The following SLC45A2 variants were observed in gnomAD, a reference collection of about 807,000 sequenced individuals.
The protein encoded by SLC45A2 is membrane-associated transporter protein.
A neutral mutation model predicts 45.5 loss-of-function variants in SLC45A2; 36 were observed. The ratio of observed to expected loss-of-function variants is 0.79; its 90% CI spans 0.61 to 1.04. SLC45A2 has a LOEUF of 1.04. Among genes scored for constraint, SLC45A2 ranks in the 50% least tolerant of loss-of-function variants. The pLI, the probability that SLC45A2 is intolerant of heterozygous loss-of-function variation, is 0.00. For synonymous variants in SLC45A2, 306 were observed against 269.3 expected, an observed-to-expected ratio of 1.14 and a Z score of -1.33; for missense variants, 719 against 671.0, an observed-to-expected ratio of 1.07 and a Z score of -0.79.
intron 2 of SLC45A2, among the ~76,000 whole-genome samples, chr5:33,965,828 T>C (rs772284100): frequency 2.6e-5 from 4 of 152,196 alleles, no homozygotes; most frequent in East Asian, 1.9e-4. Flanking sequence ...CCCCAACCCA[T>C]TACGACAACC....
chr5:33,979,651 T>C (rs1432371134), intron 2 of SLC45A2, among the ~76,000 whole-genome samples: 1 of 151,994 alleles, frequency 6.6e-6, no homozygotes, highest in Non-Finnish European at 1.5e-5. Flanking sequence ...ATCATGTTAA[T>C]ACCTAATTGC....
Position 33,984,282 on chromosome 5 carries a change from C to T in SLC45A2, c.302G>A (p.Arg101His), listed in dbSNP as rs763531791. 6.8e-6 allele frequency: 11 copies of T among 1,614,176 alleles called. No individual in the cohort carries two copies. Among genetic ancestry groups the T allele is most frequent in the Non-Finnish European group, 9.3e-6 (11 of 1,180,028 alleles). The change falls in exon 1 of 7, where the codon CGC (arginine) becomes CAC (histidine). Residue 101 changes from arginine to histidine, a missense_variant. By Grantham distance (29) the Arg-to-His change is conservative. Coordinates refer to ENST00000296589, the MANE Select transcript of SLC45A2 (RefSeq NM_016180.5). ...ASDHCRSRWG[R>H]RRPYILTLGV... is the part of the protein sequence containing the mutation. ...CAGGGTGAGGATGTAGGGTCTCCGG[C>T]GGCCCCACCTGGACCGGCAGTGGTC... is the stretch of plus-strand genomic sequence containing the variant.
At chr5:33,984,126 G>T (rs2112019728) in intron 1 of SLC45A2, 73 bp downstream of exon 1, 1 of 1,595,372 alleles carries the variant, frequency 6.3e-7, no homozygotes, top group Non-Finnish European at 8.6e-7. Context: ...TCAAACACAT[G>T]AACATCCTCC....
intron 2 of SLC45A2, 26 bp from the exon 3 acceptor site, chr5:33,964,042 G>T (rs779798492): frequency 1.8e-4 from 292 of 1,608,730 alleles, no homozygotes; most frequent in Non-Finnish European, 2.4e-4. Flanking sequence ...AGCTATGTTA[G>T]CATATTTAGC....
intron 6 of SLC45A2, chr5:33,946,158 C>A (rs1751920333): frequency 1.0e-6 from 1 of 985,342 alleles, no homozygotes; most frequent in South Asian, 4.7e-5. Context: ...TCCCCCAACA[C>A]CATGTAACAC....
At chr5:33,947,701 G>A (rs775229439) in intron 5 of SLC45A2, among the ~76,000 whole-genome samples, 8 of 152,132 alleles carry the variant, frequency 5.3e-5, no homozygotes, top group Non-Finnish European at 1.2e-4. Flanking sequence ...GGGAACCTGG[G>A]GCTTCAAGAA....
chr5:33,952,011 T>A (rs1423657052), intron 4 of SLC45A2, among the ~76,000 whole-genome samples: 7 of 152,180 alleles, frequency 4.6e-5, no homozygotes, highest in African/African-American at 1.4e-4. Flanking sequence ...CATCTCCACA[T>A]GGGCCATTCC....
intron 2 of SLC45A2, among the ~76,000 whole-genome samples, chr5:33,964,276 C>T (rs1010412388): frequency 2.0e-5 from 3 of 152,118 alleles, no homozygotes; most frequent in African/African-American, 7.2e-5. Context: ...GAGTAACCTA[C>T]TAGTAGGGTC....
chr5:33,946,587 A>G (rs1751934746), intron 6 of SLC45A2: 1 of 993,968 alleles, frequency 1.0e-6, no homozygotes, highest in Non-Finnish European at 1.2e-6. Context: ...TAAATGGCAC[A>G]GGTCCCGCTC....
intron 6 of SLC45A2, 54 bp downstream of exon 6, chr5:33,947,109 A>C: frequency 1.9e-6 from 3 of 1,614,150 alleles, no homozygotes; most frequent in Non-Finnish European, 2.5e-6. Flanking sequence ...AATCCTCCCC[A>C]GCCTTCAGAT....
chr5:33,973,076 T>C (rs372673678), intron 2 of SLC45A2, among the ~76,000 whole-genome samples: 8 of 151,864 alleles, frequency 5.3e-5, no homozygotes, highest in East Asian at 3.9e-4. Flanking sequence ...GTGATGGGAG[T>C]CAGGGCTGGG....
intron 2 of SLC45A2, among the ~76,000 whole-genome samples, chr5:33,979,417 T>C (rs1753012811): frequency 6.6e-6 from 1 of 152,204 alleles, no homozygotes; most frequent in Non-Finnish European, 1.5e-5. Context: ...GTAGCAGGCT[T>C]CAGAGAGAAT....
At position 33,950,197 on chromosome 5, in the gene SLC45A2, GAA is replaced by G. The variant is rs377050099; in HGVS notation, c.1156+1355_1156+1356del. Among the ~76,000 whole-genome samples the G allele has an allele frequency of 2.1e-4, 32 of 151,898 alleles. No individual in the cohort carries two copies. In the East Asian group the frequency reaches 5.6e-3, roughly 27 times the overall value. ...AGAGTGAGACTTTGTCTTAAAAAAAGAAGAAAAACAAAAAAAAGCATGAGGGT... is the reference window on the plus strand; with the variant it reads ...AGAGTGAGACTTTGTCTTAAAAAAAGGAAAAACAAAAAAAAGCATGAGGGT... On this transcript the variant is annotated intron_variant, in intron 5 of 6. Transcript: ENST00000296589.
intron 2 of SLC45A2, among the ~76,000 whole-genome samples, chr5:33,980,280 A>C (rs75526366): frequency 7.0e-6 from 1 of 143,450 alleles, no homozygotes; most frequent in East Asian, 2.0e-4. Flanking sequence ...AAAAAAAAAA[A>C]CCATGATTTA....
At chr5:33,964,967 A>T (rs531779989) in intron 2 of SLC45A2, among the ~76,000 whole-genome samples, 1 of 152,298 alleles carries the variant, frequency 6.6e-6, no homozygotes, top group African/African-American at 2.4e-5. Flanking sequence ...GGCAGTGGAC[A>T]TATTATGGGA....
intron 4 of SLC45A2, among the ~76,000 whole-genome samples, chr5:33,953,382 C>A (rs1752176816): frequency 6.8e-6 from 1 of 146,384 alleles, no homozygotes; most frequent in African/African-American, 2.5e-5. Flanking sequence ...TTAATGATTG[C>A]CATTCTAACT....
intron 2 of SLC45A2, among the ~76,000 whole-genome samples, chr5:33,967,783 GACACACACAC>G (rs10529094): frequency 0.05 from 7,289 of 146,938 alleles, 546 homozygotes; most frequent in African/African-American, 0.16. Flanking sequence ...TATTTTGCTA[GACACACACAC>G]ACACACACAC....
intron 5 of SLC45A2, among the ~76,000 whole-genome samples, chr5:33,948,490 T>C (rs1249714536): frequency 6.6e-6 from 1 of 152,206 alleles, no homozygotes. Context: ...TCCATATCTA[T>C]TCATATAATT....
intron 2 of SLC45A2, among the ~76,000 whole-genome samples, chr5:33,974,909 G>C (rs900370400): frequency 1.3e-5 from 2 of 151,948 alleles, no homozygotes; most frequent in Admixed American, 6.6e-5. Context: ...TATATGTGCA[G>C]GTTTGTACAC....
Sources: gnomAD v4.1 joint callset for allele counts (sites outside exome capture counted in the v4.1 genomes callset) on GRCh38, gnomAD v4.1.1 for gene constraint, MANE v1.5 for transcripts, NCBI Gene and HGNC (gene_info 2026-07-23, HGNC 2026-07-21) for gene names.